TJP1: variants seen among roughly 807,000 people sequenced by gnomAD.
TJP1 encodes the protein tight junction protein ZO-1.
Under a neutral mutation model 194.2 loss-of-function variants are expected in TJP1, and 43 were observed. The ratio of observed to expected loss-of-function variants is 0.22; its 90% confidence interval spans 0.17 to 0.29. The LOEUF (loss-of-function observed/expected upper bound fraction) is 0.29. TJP1 is among the 10% of genes least tolerant of loss of function. The pLI is 1.00. For missense variants in TJP1, 1,971 were observed against 2,185.7 expected (o/e 0.90, Z 1.96); for synonymous variants, 801 against 779.0 (o/e 1.03, Z -0.47).
chr15:29,842,443 C>T (rs963163256), intron 2 of TJP1, among the ~76,000 whole-genome samples: 5 of 98 alleles, frequency 0.051, no homozygotes, highest in African/African-American at 0.19. Flanking sequence ...GGACAGTATG[C>T]CATCCCCCAC....
At chr15:29,765,657 G>A (rs1005460221) in intron 5 of TJP1, among the ~76,000 whole-genome samples, 1 of 152,144 alleles carries the variant, frequency 6.6e-6, no homozygotes, top group African/African-American at 2.4e-5. Context: ...GTGGGAGGCC[G>A]AGGCAGGTGA....
intron 23 of TJP1, 133 bp from the exon 24 acceptor site, chr15:29,711,133 G>T: frequency 1.0e-6 from 1 of 977,522 alleles, no homozygotes; most frequent in Non-Finnish European, 1.4e-6. Context: ...ATGAGTATGG[G>T]TAGCTACTCT....
intron 1 of TJP1, among the ~76,000 whole-genome samples, chr15:29,811,135 A>G (rs2049469302): frequency 1.3e-5 from 2 of 152,112 alleles, no homozygotes; most frequent in South Asian, 4.1e-4. Flanking sequence ...AACAAGAAAC[A>G]AGGAGGAAAA....
intron 24 of TJP1, among the ~76,000 whole-genome samples, chr15:29,710,203 GTCTT>G (rs1010964693): frequency 6.6e-6 from 1 of 151,942 alleles, no homozygotes; most frequent in African/African-American, 2.4e-5. Flanking sequence ...AATTAAAACT[GTCTT>G]TATCTGTAAA....
At chr15:29,784,859 T>C (rs1196734521) in intron 2 of TJP1, among the ~76,000 whole-genome samples, 1 of 152,184 alleles carries the variant, frequency 6.6e-6, no homozygotes, top group Admixed American at 6.5e-5. Flanking sequence ...GATCTAGATA[T>C]GGTAAAAACC....
chr15:29,750,037 C>T (rs1486995930), intron 8 of TJP1, among the ~76,000 whole-genome samples: 3 of 149,308 alleles, frequency 2.0e-5, no homozygotes, highest in South Asian at 4.3e-4. Flanking sequence ...GACTGAGTCT[C>T]GGTCTGTCAC....
chr15:29,703,143 T>C (rs181841772), intron 27 of TJP1, among the ~76,000 whole-genome samples: 23 of 152,314 alleles, frequency 1.5e-4, no homozygotes, highest in African/African-American at 5.3e-4. Flanking sequence ...CTGGTATACA[T>C]ACGTTGTAGA....
intron 2 of TJP1, among the ~76,000 whole-genome samples, chr15:29,945,559 T>G (rs560302123): frequency 4.6e-5 from 7 of 152,206 alleles, no homozygotes; most frequent in African/African-American, 1.7e-4. Context: ...CGAAACCCAA[T>G]GCCCAGGATA....
chr15:29,872,741 G>A (rs867550593), intron 2 of TJP1, among the ~76,000 whole-genome samples: 53 of 152,136 alleles, frequency 3.5e-4, no homozygotes, highest in African/African-American at 1.2e-3. Flanking sequence ...TTTAGTCCTC[G>A]TCATGGCCCT....
At chr15:29,725,813 G>A (rs1232365506) in intron 18 of TJP1, among the ~76,000 whole-genome samples, 3 of 152,218 alleles carry the variant, frequency 2.0e-5, no homozygotes, top group African/African-American at 7.2e-5. Context: ...CAGGTGTTGA[G>A]TGAAAAATAA....
At chr15:29,962,202 C>T (rs1453204994) in intron 1 of TJP1, among the ~76,000 whole-genome samples, 1 of 152,176 alleles carries the variant, frequency 6.6e-6, no homozygotes, top group African/African-American at 2.4e-5. Context: ...CCATCCCTCC[C>T]ACACCCTTCC....
At chr15:29,905,175 C>T (rs148912989) in intron 2 of TJP1, among the ~76,000 whole-genome samples, 10 of 152,152 alleles carry the variant, frequency 6.6e-5, no homozygotes, top group South Asian at 4.1e-4. Context: ...CATCCTCAGG[C>T]CTGTTGGCAA....
chr15:29,895,900 G>A (rs2053461642), intron 2 of TJP1, among the ~76,000 whole-genome samples: 1 of 152,194 alleles, frequency 6.6e-6, no homozygotes, highest in South Asian at 2.1e-4. Flanking sequence ...CAAGGTGTCA[G>A]TAGACCCAGT....
At chr15:29,823,256 C>T (rs1271773645), upstream of TJP1, 1 of 152,194 alleles carries the variant, frequency 6.6e-6, no homozygotes, top group East Asian at 1.9e-4. Context: ...GTCCCTCCAA[C>T]TCAAAGTTGG....
chr15:29,741,740 A>T (rs2044436608), intron 9 of TJP1, among the ~76,000 whole-genome samples: 1 of 152,212 alleles, frequency 6.6e-6, no homozygotes, highest in African/African-American at 2.4e-5. Flanking sequence ...TAAGACTGCC[A>T]AAGTAGCTAC....
At chr15:29,753,217 C>G (rs193251227) in intron 8 of TJP1, among the ~76,000 whole-genome samples, 1 of 152,110 alleles carries the variant, frequency 6.6e-6, no homozygotes, top group Admixed American at 6.5e-5. Flanking sequence ...GGCGCAGTGG[C>G]TCACGCCTGT....
chr15:29,913,305 T>C (rs1051473875), intron 2 of TJP1, among the ~76,000 whole-genome samples: 16 of 152,234 alleles, frequency 1.1e-4, no homozygotes, highest in African/African-American at 3.9e-4. Flanking sequence ...CTGACATGAC[T>C]AAATCTATTT....
At chr15:29,730,595 T>TG (rs2043568351) in intron 15 of TJP1, 1 of 525,540 alleles carries the variant, frequency 1.9e-6, no homozygotes, top group South Asian at 1.6e-5. Context: ...ACTCTGTCTC[T>TG]GAAAAAAAAA....
chr15:29,719,365 T>C (rs575910961), intron 20 of TJP1, among the ~76,000 whole-genome samples: 1 of 152,182 alleles, frequency 6.6e-6, no homozygotes, highest in African/African-American at 2.4e-5. Context: ...AAATAAACAG[T>C]GAGTTAAAGA....
Sources: gnomAD v4.1 joint callset for allele counts (sites outside exome capture counted in the v4.1 genomes callset) on GRCh38, gnomAD v4.1.1 for gene constraint, MANE v1.5 for transcripts, NCBI Gene and HGNC (gene_info 2026-07-23, HGNC 2026-07-21) for gene names.